Variants in UCP3 observed in about 807,000 individuals in gnomAD.
UCP3 encodes the protein putative mitochondrial transporter UCP3.
In UCP3, 24 loss-of-function variants were observed where a neutral mutation model predicts 28.1. The observed-to-expected ratio is 0.85, with a 90% CI of 0.62 to 1.20. The LOEUF (loss-of-function observed/expected upper bound fraction) is 1.20, where lower values mean the gene tolerates loss of function less well. Among genes scored for constraint, UCP3 ranks in the 50% most tolerant of loss-of-function variants. The pLI, the probability that UCP3 is intolerant of heterozygous loss-of-function variation, is 0.00. For missense variants in UCP3, 397 were observed against 422.2 expected, an observed-to-expected ratio of 0.94 and a Z score of 0.52; for synonymous variants, 184 against 171.2, an observed-to-expected ratio of 1.07 and a Z score of -0.59.
At chr11:74,003,063 T>C in intron 6 of UCP3, 1 of 544,596 alleles carries the variant, frequency 1.8e-6, no homozygotes, top group Non-Finnish European at 2.3e-6. Flanking sequence ...TGGACAATAC[T>C]ACCCAGTTCA....
Position 74,005,876 on chromosome 11 carries a change from G to C in UCP3, c.395C>G (p.Thr132Ser). Residue 132 changes from threonine (T) to serine (S), a missense_variant, in exon 4 of 7, where the codon ACC becomes AGC. Physicochemically the swap from Thr to Ser is moderately conservative, Grantham distance 58 (BLOSUM62 1). Transcript: ENST00000314032. Reference protein sequence around the residue: ...AGCTTGAMAVTCAQPTDVVKV... With the variant: ...AGCTTGAMAVSCAQPTDVVKV... ...CACCACATCTGTGGGCTGGGCACAGGTCACCGCCATGGCTCCTGTGGTGCA... is the reference window on the plus strand; with the variant it reads ...CACCACATCTGTGGGCTGGGCACAGCTCACCGCCATGGCTCCTGTGGTGCA... 6.2e-7 allele frequency: 1 copy of C among 1,614,228 alleles called. No homozygotes were observed. Among genetic ancestry groups the C allele is most frequent in the African/African-American group, 1.3e-5 (1 of 75,056 alleles).
In UCP3 at chr11:74,004,502, C is replaced by A. The variant is rs1429031006; in HGVS notation, c.625G>T (p.Asp209Tyr). Reference protein sequence around the residue: ...TYDILKEKLLDYHLLTDNFPC... With the variant: ...TYDILKEKLLYYHLLTDNFPC... ...GCCTCACCAGTGAGCAGGTGGTAGT[C>A]CAGCAGCTTCTCCTTGAGGATGTCG... The change falls in exon 5 of 7, where the codon GAC (aspartate) becomes TAC (tyrosine). Residue 209 changes from aspartate to tyrosine, a missense_variant. Physicochemically the swap from Asp to Tyr is radical, Grantham distance 160. Coordinates refer to ENST00000314032, the MANE Select transcript of UCP3 (RefSeq NM_003356.4). 4.3e-6 allele frequency: 7 copies of A among 1,614,156 alleles called. No individual in the cohort carries two copies. The South Asian group carries it at 7.7e-5, about 18-fold the overall frequency.
chr11:74,001,096 A>C lies in UCP3; in HGVS notation c.*316T>G, dbSNP rs1951618849. On this transcript the variant is annotated 3_prime_UTR_variant, in exon 7 of 7. Coordinates refer to ENST00000314032, the MANE Select transcript of UCP3 (RefSeq NM_003356.4). The stretch of plus-strand genomic sequence containing the variant: ...GATTTCACGGGGATACACGTCTCCA[A>C]CCTTCCATTTTGTCCAAATGGATCT... 3 of 373,690 alleles carry C rather than the reference A, an allele frequency of 8.0e-6. No individual in the cohort carries two copies. Among genetic ancestry groups the C allele is most frequent in the South Asian group, 6.4e-5 (2 of 31,060 alleles). The allele number at this position is 373,690 out of a possible 1,614,324, so 23.1% of individuals were successfully genotyped here.
intron 6 of UCP3, 38 bp downstream of exon 6, chr11:74,003,789 T>C (rs761138117): frequency 2.6e-6 from 4 of 1,538,388 alleles, no homozygotes; most frequent in Non-Finnish European, 3.5e-6. Flanking sequence ...AAGCCCCTGT[T>C]CTCTGGGAGG....
chr11:74,001,016 G>T lies in UCP3; in HGVS notation c.*396C>A. 8.0e-6 allele frequency: 2 copies of T among 250,618 alleles called. No homozygotes were observed. Among genetic ancestry groups the T allele is most frequent in the Non-Finnish European group, 7.7e-6 (1 of 129,334 alleles). 15.5% of individuals were successfully genotyped at this position (250,618 alleles called of 1,614,324 possible). A position where few individuals can be genotyped will look rare whatever the true frequency, so the allele number is the denominator to read the frequency against. ...TGGCTGATCTCCCACTCCATTGTGG[G>T]CCCCTCCTGTCCCGTGCTTGCCATC... On this transcript the variant is annotated 3_prime_UTR_variant, in exon 7 of 7. Transcript: ENST00000314032.
At chr11:74,006,066 C>G in intron 3 of UCP3, 103 bp downstream of exon 3, 4 of 1,565,236 alleles carry the variant, frequency 2.6e-6, no homozygotes, top group Non-Finnish European at 2.6e-6. Flanking sequence ...CCGGTACCAG[C>G]TTCCCCCCGC....
rs2135384527 is a variant in UCP3 at position 74,000,734 on chromosome 11, C to T, written c.*678G>A. The stretch of plus-strand genomic sequence containing the variant: ...GTGGACAGGGAAGGGATGGCTCCCT[C>T]CATTTTGTAGGAAAGTGGGGGCTGC... On this transcript the variant is annotated 3_prime_UTR_variant, in exon 7 of 7. Coordinates refer to ENST00000314032, the MANE Select transcript of UCP3 (RefSeq NM_003356.4). 6.6e-6 allele frequency: 1 copy of T among 152,434 alleles called. No individual in the cohort carries two copies. The highest frequency in any genetic ancestry group is 2.4e-5 in the African/African-American group (1 of 41,590). The allele number at this position is 152,434 out of a possible 1,614,324, so 9.4% of individuals were successfully genotyped here. A position where few individuals can be genotyped will look rare whatever the true frequency, so the allele number is the denominator to read the frequency against.
intron 4 of UCP3, 89 bp from the exon 5 acceptor site, chr11:74,004,674 A>G: frequency 2.3e-6 from 3 of 1,312,980 alleles, no homozygotes; most frequent in Non-Finnish European, 3.2e-6. Context: ...CTGCAAGGCC[A>G]CAGGCCCCAG....
In UCP3 at chr11:74,006,902, C is replaced by T; in HGVS notation, c.126+15G>A. ...CTTCCATGTGATCAATGACCCTTGG[C>T]CAAAGGGCACCTACCTGCAGGCGGA... is the stretch of plus-strand genomic sequence containing the variant. On this transcript the variant is annotated intron_variant, in intron 2 of 6. Transcript: ENST00000314032. 6.2e-7 allele frequency: 1 copy of T among 1,614,078 alleles called. No homozygotes were observed. Among genetic ancestry groups the T allele is most frequent in the African/African-American group, 1.3e-5 (1 of 75,008 alleles).
At chr11:74,003,778 G>T (rs562401311) in intron 6 of UCP3, 49 bp downstream of exon 6, 1 of 1,526,610 alleles carries the variant, frequency 6.6e-7, no homozygotes, top group African/African-American at 1.4e-5. Flanking sequence ...CGAAAAGAAA[G>T]AAGCCCCTGT....
At chr11:74,006,839 C>T in intron 2 of UCP3, 78 bp downstream of exon 2, 2 of 1,609,166 alleles carry the variant, frequency 1.2e-6, no homozygotes, top group Non-Finnish European at 1.7e-6. Context: ...GGCATGTGGG[C>T]ACACGTCATG....
rs1430959791 is a variant in UCP3 at position 74,001,329 on chromosome 11, T to A, written c.*83A>T. On this transcript the variant is annotated 3_prime_UTR_variant, in exon 7 of 7. Coordinates refer to ENST00000314032, the MANE Select transcript of UCP3 (RefSeq NM_003356.4). ...TTCTGTAAACATGTGTGGGTCTGTGTCCATGTGTGCGTGGATGCACCGTTT... is the reference window on the plus strand; with the variant it reads ...TTCTGTAAACATGTGTGGGTCTGTGACCATGTGTGCGTGGATGCACCGTTT... 2 of 1,263,414 alleles carry A rather than the reference T, an allele frequency of 1.6e-6. No homozygotes were observed. Among genetic ancestry groups the A allele is most frequent in the Middle Eastern group, 1.9e-4 (1 of 5,278 alleles). The allele number at this position is 1,263,414 out of a possible 1,614,324, so 78.3% of individuals were successfully genotyped here.
At position 74,001,404 on chromosome 11, in the gene UCP3, T is replaced by C. The variant is rs1345904577; in HGVS notation, c.*8A>G. On this transcript the variant is annotated 3_prime_UTR_variant, in exon 7 of 7. Transcript: ENST00000314032. ...ACACGTTAGCTACCAGTGGCCTTCT[T>C]GTCTTGTTCAAAACGGTGATTCCCG... 2.5e-6 allele frequency: 4 copies of C among 1,614,038 alleles called. No individual in the cohort carries two copies. The highest frequency in any genetic ancestry group is 1.3e-5 in the African/African-American group (1 of 74,938).
At position 74,006,941 on chromosome 11, in the gene UCP3, C is replaced by T. The variant is rs1351568048; in HGVS notation, c.102G>A (p.Leu34=). 1.2e-6 allele frequency: 2 copies of T among 1,614,190 alleles called. No individual in the cohort carries two copies. The highest frequency in any genetic ancestry group is 8.5e-7 in the Non-Finnish European group (1 of 1,180,036). ...ACFADLVTFP[L]DTAKVRLQIQ... The stretch of plus-strand genomic sequence containing the variant: ...CCTGCAGGCGGACCTTGGCTGTGTC[C>T]AGTGGAAAGGTAACGAGGTCAGCAA... The change falls in exon 2 of 7, where the codon CTG becomes CTA. Residue 34 remains leucine (L), a synonymous_variant. Coordinates refer to ENST00000314032, the MANE Select transcript of UCP3 (RefSeq NM_003356.4).
At position 74,001,343 on chromosome 11, in the gene UCP3, G is replaced by T; in HGVS notation, c.*69C>A. 1 of 1,437,130 alleles carries T rather than the reference G, an allele frequency of 7.0e-7. No individual in the cohort carries two copies. Among genetic ancestry groups the T allele is most frequent in the Non-Finnish European group, 9.8e-7 (1 of 1,021,842 alleles). The allele number at this position is 1,437,130 out of a possible 1,614,324, so 89.0% of individuals were successfully genotyped here. On this transcript the variant is annotated 3_prime_UTR_variant, in exon 7 of 7. Coordinates refer to ENST00000314032, the MANE Select transcript of UCP3 (RefSeq NM_003356.4). ...GTGGGTCTGTGTCCATGTGTGCGTGGATGCACCGTTTTCTTCCATTCTTAA... is the reference window on the plus strand; with the variant it reads ...GTGGGTCTGTGTCCATGTGTGCGTGTATGCACCGTTTTCTTCCATTCTTAA...
At position 74,004,573 on chromosome 11, in the gene UCP3, T is replaced by C. The variant is rs545866603; in HGVS notation, c.554A>G (p.Asn185Ser). ...VRGLWKGTLP[N>S]IMRNAIVNCA... ...GTTGACGATAGCATTCCTCATGATGTTGGGCAAAGTTCCTGTTAGGAAGGC... is the reference window on the plus strand; with the variant it reads ...GTTGACGATAGCATTCCTCATGATGCTGGGCAAAGTTCCTGTTAGGAAGGC... The change falls in exon 5 of 7, where the codon AAC (asparagine) becomes AGC (serine). Residue 185 changes from asparagine (N) to serine (S), a missense_variant. Transcript: ENST00000314032. 6 of 1,613,644 alleles carry C rather than the reference T, an allele frequency of 3.7e-6. No individual in the cohort carries two copies. The Admixed American group carries it at 8.3e-5, about 22-fold the overall frequency.
intron 1 of UCP3, among the ~76,000 whole-genome samples, chr11:74,007,885 CT>C (rs1380251207): frequency 6.6e-6 from 1 of 152,154 alleles, no homozygotes; most frequent in Non-Finnish European, 1.5e-5. Flanking sequence ...TCCTAGACCC[CT>C]AGCAGCCGGC....
intron 4 of UCP3, among the ~76,000 whole-genome samples, chr11:74,004,798 TC>T (rs1951648832): frequency 6.6e-6 from 1 of 152,208 alleles, no homozygotes; most frequent in Non-Finnish European, 1.5e-5. Context: ...ATCCATGTTT[TC>T]CTCAGAGACA....
In UCP3 at chr11:74,005,636, T is replaced by A. The variant is rs1168142417; in HGVS notation, c.541+94A>T. 4 of 1,386,922 alleles carry A rather than the reference T, an allele frequency of 2.9e-6. No homozygotes were observed. The African/African-American group carries it at 5.7e-5, about 20-fold the overall frequency. 85.9% of individuals were successfully genotyped at this position (1,386,922 alleles called of 1,614,324 possible). A position where few individuals can be genotyped will look rare whatever the true frequency, so the allele number is the denominator to read the frequency against. On this transcript the variant is annotated intron_variant, in intron 4 of 6. Coordinates refer to ENST00000314032, the MANE Select transcript of UCP3 (RefSeq NM_003356.4). ...CTTTCAGAATCACTGGAACACGCCA[T>A]GCTGGGAGTCCCCTCCTTACTGGGG...
Sources: allele counts gnomAD v4.1 joint callset (sites outside exome capture counted in the v4.1 genomes callset), GRCh38; gene constraint gnomAD v4.1.1; transcripts MANE v1.5; gene names NCBI Gene and HGNC (gene_info 2026-07-23, HGNC 2026-07-21).